VWF: variants seen among roughly 807,000 people sequenced by gnomAD.
VWF encodes the protein Factor VIII related antigen.
Under a neutral mutation model 308.6 loss-of-function variants are expected in VWF, and 176 were observed. That is an observed-to-expected ratio of 0.57 (90% CI 0.50 to 0.65). The LOEUF (loss-of-function observed/expected upper bound fraction) is 0.65, where lower values mean the gene tolerates loss of function less well. Ranked by LOEUF, VWF falls within the 30% of genes least tolerant of loss-of-function variation. The probability of loss-of-function intolerance (pLI) is 0.00; values close to 1 mark genes in which losing one functional copy is unlikely to be tolerated. For missense variants in VWF, 3,146 were observed against 3,648.2 expected (o/e 0.86, Z 3.55); for synonymous variants, 1,385 against 1,443.4 (o/e 0.96, Z 0.92).
chr12:6,123,403 G>A (rs530204046), intron 1 of VWF, among the ~76,000 whole-genome samples: 1 of 152,268 alleles, frequency 6.6e-6, no homozygotes, highest in South Asian at 2.1e-4. Flanking sequence ...GGTAACAATC[G>A]CTGTGAGCTG....
intron 15 of VWF, among the ~76,000 whole-genome samples, chr12:6,053,473 C>T (rs1944542137): frequency 6.6e-6 from 1 of 152,178 alleles, no homozygotes; most frequent in Non-Finnish European, 1.5e-5. Flanking sequence ...ACATGCTGGT[C>T]CCAAAGAGGA....
intron 13 of VWF, among the ~76,000 whole-genome samples, chr12:6,062,083 G>A (rs542483793): frequency 1.3e-5 from 2 of 152,192 alleles, no homozygotes; most frequent in African/African-American, 4.8e-5. Context: ...TATTTTAAAT[G>A]TCTCTAATTT....
Position 6,058,058 on chromosome 12 carries a change from C to T in VWF, c.1534-14G>A, listed in dbSNP as rs1252418846. ...GACGGGGGACAGCTGCAGGAGAGAC[C>T]AGGCCACTCTGGAGCCGCTGCCGCG... On this transcript the variant is annotated splice_polypyrimidine_tract_variant and intron_variant, in intron 13 of 51. Coordinates refer to ENST00000261405, the MANE Select transcript of VWF (RefSeq NM_000552.5). This position sits in a 1 kb window ranked among gnomAD's most constrained non-coding sequence, Gnocchi z 4.9. The T allele has an allele frequency of 6.2e-7, 1 of 1,612,836 alleles. No individual in the cohort carries two copies. Among genetic ancestry groups the T allele is most frequent in the Non-Finnish European group, 8.5e-7 (1 of 1,179,994 alleles).
chr12:5,988,453 T>C (rs941844503), intron 38 of VWF, among the ~76,000 whole-genome samples: 7 of 152,186 alleles, frequency 4.6e-5, no homozygotes, highest in African/African-American at 1.7e-4. Context: ...AGTCATGTTC[T>C]GTATATGTTT....
intron 5 of VWF, among the ~76,000 whole-genome samples, chr12:6,101,959 G>T (rs147239992): frequency 6.6e-6 from 1 of 152,114 alleles, no homozygotes. Flanking sequence ...AAGCTTTTGG[G>T]TCATGTCCAA....
At chr12:6,092,545 G>GCA (rs1945049301) in intron 6 of VWF, among the ~76,000 whole-genome samples, 1 of 150,274 alleles carries the variant, frequency 6.7e-6, no homozygotes, top group African/African-American at 2.5e-5. Flanking sequence ...GCACGCGCGT[G>GCA]TGCCACCATG....
intron 5 of VWF, among the ~76,000 whole-genome samples, 155 bp downstream of exon 5, chr12:6,110,219 G>A (rs1945291125): frequency 6.6e-6 from 1 of 152,192 alleles, no homozygotes; most frequent in Non-Finnish European, 1.5e-5. Flanking sequence ...CTAGGCATTG[G>A]AATGGAATGC....
At chr12:5,981,075 T>C (rs950616027) in intron 42 of VWF, among the ~76,000 whole-genome samples, 3 of 152,236 alleles carry the variant, frequency 2.0e-5, no homozygotes, top group African/African-American at 4.8e-5. Flanking sequence ...AGGGCATACA[T>C]AGGAACTTCA....
At position 5,994,491 on chromosome 12, in the gene VWF, T is replaced by G; in HGVS notation, c.6180A>C (p.Thr2060=). 2 of 1,614,128 alleles carry G rather than the reference T, an allele frequency of 1.2e-6. No homozygotes were observed. The highest frequency in any genetic ancestry group is 1.7e-6 in the Non-Finnish European group (2 of 1,179,986). Residue 2060 remains threonine, a synonymous_variant, in exon 36 of 52, where the codon ACA becomes ACC. Transcript: ENST00000261405. ...GGAACTCATTGTTTTGTGGAGTGAA[T>G]GTGAAGATGTGACCAAGGTGATTGA... ...VRFNHLGHIF[T]FTPQNNEFQL...
intron 34 of VWF, among the ~76,000 whole-genome samples, chr12:6,007,591 C>T (rs2854870): frequency 0.12 from 18,194 of 152,066 alleles, 1,150 homozygotes; most frequent in Non-Finnish European, 0.14. Context: ...GGAAAGTTTA[C>T]AGCAGTAAAT....
At chr12:5,994,882 T>C (rs1272699341) in intron 35 of VWF, among the ~76,000 whole-genome samples, 1 of 152,162 alleles carries the variant, frequency 6.6e-6, no homozygotes, top group Non-Finnish European at 1.5e-5. Context: ...AAAGGAACCT[T>C]GAGTCTATGT....
At chr12:5,950,675 C>T (rs550801239) in intron 50 of VWF, among the ~76,000 whole-genome samples, 3 of 148,406 alleles carry the variant, frequency 2.0e-5, no homozygotes, top group African/African-American at 7.4e-5. Flanking sequence ...AAAAAAAAAA[C>T]ATTTAGACCA....
rs1326144295 is a variant in VWF, at chr12:6,056,903, G to A, written c.1899C>T (p.Cys633=). The part of the protein sequence containing the change: ...CGALASYAAA[C]AGRGVRVAWR... Reference sequence around the variant, plus strand: ...ACGCGACGCGCACGCCTCTCCCCGCGCAGGCCGCGGCATAGCTGGCCAGGG... The same window carrying A: ...ACGCGACGCGCACGCCTCTCCCCGCACAGGCCGCGGCATAGCTGGCCAGGG... Residue 633 remains cysteine (C), a synonymous_variant, in exon 15 of 52, where the codon TGC becomes TGT. Coordinates refer to ENST00000261405, the MANE Select transcript of VWF (RefSeq NM_000552.5). 2.6e-6 allele frequency: 4 copies of A among 1,522,720 alleles called. No individual in the cohort carries two copies. In the African/African-American group the frequency reaches 4.2e-5, roughly 16 times the overall value. 94.3% of individuals were successfully genotyped at this position (1,522,720 alleles called of 1,614,324 possible).
At chr12:6,051,117 T>C (rs558504513) in intron 16 of VWF, among the ~76,000 whole-genome samples, 1 of 152,276 alleles carries the variant, frequency 6.6e-6, no homozygotes, top group South Asian at 2.1e-4. Flanking sequence ...ATTTACAGCT[T>C]TTTTAAAAAA....
intron 5 of VWF, among the ~76,000 whole-genome samples, chr12:6,107,940 G>A (rs535315862): frequency 6.6e-6 from 1 of 151,890 alleles, no homozygotes; most frequent in Non-Finnish European, 1.5e-5. Flanking sequence ...TGACAGGCTT[G>A]AGCCACCGCA....
chr12:6,092,509 A>T (rs903529581), intron 6 of VWF, among the ~76,000 whole-genome samples: 3 of 91,888 alleles, frequency 3.3e-5, no homozygotes, highest in Admixed American at 2.1e-4. Context: ...CCCAGCTAGT[A>T]TGTGTTTGTC....
chr12:6,089,923 A>G (rs1020275262), intron 6 of VWF, among the ~76,000 whole-genome samples: 6 of 151,922 alleles, frequency 3.9e-5, no homozygotes, highest in African/African-American at 9.7e-5. Context: ...TATGTTTGGG[A>G]AAAAAAGAAA....
Position 6,112,923 on chromosome 12 carries a change from G to A in VWF, c.221-1955C>T, listed in dbSNP as rs542526061. Among the ~76,000 whole-genome samples, 25 of 151,980 alleles carry A rather than the reference G, an allele frequency of 1.6e-4. No individual in the cohort carries two copies. The South Asian group carries it at 2.5e-3, about 15-fold the overall frequency. On this transcript the variant is annotated intron_variant, in intron 3 of 51. Transcript: ENST00000261405. ...ACACACAAACACTCCAAACCAACCC[G>A]AATGAGCTACAGAATAGACTTGTTT...
Position 6,050,628 on chromosome 12 carries a change from C to T in VWF, c.2186+1915G>A, listed in dbSNP as rs146991775. ...TTACCTTGGGGATTGTGGAGTACAC[C>T]TTGTGCGTTTAGTCCCTAGACTTCT... On this transcript the variant is annotated intron_variant, in intron 16 of 51. Coordinates refer to ENST00000261405, the MANE Select transcript of VWF (RefSeq NM_000552.5). Among the ~76,000 whole-genome samples, 33 of 152,274 alleles carry T rather than the reference C, an allele frequency of 2.2e-4. No homozygotes were observed. In the South Asian group the frequency reaches 4.3e-3, roughly 20 times the overall value.
Sources: allele counts gnomAD v4.1 joint callset (sites outside exome capture counted in the v4.1 genomes callset), GRCh38; gene constraint gnomAD v4.1.1; non-coding constraint Gnocchi (gnomAD v3.1); transcripts MANE v1.5; gene names NCBI Gene and HGNC (gene_info 2026-07-23, HGNC 2026-07-21).